Variants in SNTG1 observed in about 807,000 individuals in gnomAD.
SNTG1 encodes gamma-1-syntrophin.
A neutral mutation model predicts 74.7 loss-of-function variants in SNTG1; 39 were observed. The ratio of observed to expected loss-of-function variants is 0.52; its 90% CI spans 0.40 to 0.68. SNTG1 has a LOEUF of 0.68. SNTG1 is among the 30% of genes least tolerant of loss of function. SNTG1 has a pLI of 0.00. For synonymous variants in SNTG1, 254 were observed against 217.1 expected, an observed-to-expected ratio of 1.17 and a Z score of -1.49; for missense variants, 685 against 609.5, an observed-to-expected ratio of 1.12 and a Z score of -1.30.
chr8:50,041,410 A>T (rs1386960147), intron 1 of SNTG1, among the ~76,000 whole-genome samples: 1 of 152,108 alleles, frequency 6.6e-6, no homozygotes, highest in Non-Finnish European at 1.5e-5. Context: ...ACTAATAAAG[A>T]CTCTAAACAT....
intron 2 of SNTG1, among the ~76,000 whole-genome samples, chr8:50,336,919 A>G (rs1394060400): frequency 6.6e-6 from 1 of 152,180 alleles, no homozygotes; most frequent in Non-Finnish European, 1.5e-5. Flanking sequence ...CTTTACTACT[A>G]TATGTCTGTT....
chr8:50,067,983 G>A (rs1023918143), intron 1 of SNTG1, among the ~76,000 whole-genome samples: 3 of 151,698 alleles, frequency 2.0e-5, no homozygotes, highest in Non-Finnish European at 2.9e-5. Context: ...ATCTTTTCAC[G>A]TCCAGGCACA....
At chr8:50,431,324 T>C (rs910267387) in intron 4 of SNTG1, among the ~76,000 whole-genome samples, 1 of 152,196 alleles carries the variant, frequency 6.6e-6, no homozygotes, top group South Asian at 2.1e-4. Context: ...GAGATATTGA[T>C]AACATGGGAG....
intron 2 of SNTG1, among the ~76,000 whole-genome samples, chr8:50,333,146 G>T (rs1484529824): frequency 1.3e-5 from 2 of 152,200 alleles, no homozygotes; most frequent in African/African-American, 4.8e-5. Flanking sequence ...CTGGGCTCAG[G>T]TTCTGGCCCT....
intron 13 of SNTG1, among the ~76,000 whole-genome samples, chr8:50,633,071 G>T (rs1298001023): frequency 1.3e-5 from 2 of 152,334 alleles, no homozygotes; most frequent in Admixed American, 1.3e-4. Flanking sequence ...AATTGGATTT[G>T]AGAGCATTCA....
chr8:50,397,916 AATACTTC>A, intron 3 of SNTG1, among the ~76,000 whole-genome samples: 1 of 152,222 alleles, frequency 6.6e-6, no homozygotes, highest in Non-Finnish European at 1.5e-5. Context: ...AAAATAAATT[AATACTTC>A]TTGTCACACA....
At chr8:50,618,320 G>C (rs560294394) in intron 13 of SNTG1, among the ~76,000 whole-genome samples, 1 of 151,964 alleles carries the variant, frequency 6.6e-6, no homozygotes, top group African/African-American at 2.4e-5. Context: ...TACTTTCTAC[G>C]TTTTTATTTC....
chr8:50,609,276 T>C (rs1431231454), intron 13 of SNTG1, among the ~76,000 whole-genome samples: 4 of 152,046 alleles, frequency 2.6e-5, no homozygotes, highest in Non-Finnish European at 5.9e-5. Flanking sequence ...TGGTAAAGTA[T>C]TTTGTTGTTG....
intron 1 of SNTG1, among the ~76,000 whole-genome samples, chr8:49,922,813 C>T (rs944188721): frequency 6.6e-6 from 1 of 151,966 alleles, no homozygotes; most frequent in African/African-American, 2.4e-5. Flanking sequence ...TATCCTGGTC[C>T]TGTTTGTGAA....
chr8:50,282,765 T>C (rs1394962941), intron 2 of SNTG1, among the ~76,000 whole-genome samples: 1 of 151,604 alleles, frequency 6.6e-6, no homozygotes, highest in Admixed American at 6.6e-5. Flanking sequence ...ACTCTGTCCA[T>C]CTCAAAAAAA....
intron 2 of SNTG1, among the ~76,000 whole-genome samples, chr8:50,179,541 A>G (rs2083124373): frequency 6.6e-6 from 1 of 152,230 alleles, no homozygotes; most frequent in African/African-American, 2.4e-5. Flanking sequence ...TATACATCTG[A>G]TAAGAAATTA....
chr8:50,486,991 G>A (rs1206094008), intron 8 of SNTG1, among the ~76,000 whole-genome samples: 1 of 152,238 alleles, frequency 6.6e-6, no homozygotes, highest in Non-Finnish European at 1.5e-5. Context: ...TTGCATCACA[G>A]GGATGAAGCC....
chr8:50,761,477 G>T (rs773627750), intron 18 of SNTG1, among the ~76,000 whole-genome samples: 7 of 151,918 alleles, frequency 4.6e-5, no homozygotes, highest in Non-Finnish European at 1.0e-4. Flanking sequence ...GCTGGAAGGG[G>T]TTGGAGTAGG....
chr8:50,304,601 T>G (rs1477150113), intron 2 of SNTG1, among the ~76,000 whole-genome samples: 1 of 151,998 alleles, frequency 6.6e-6, no homozygotes, highest in Non-Finnish European at 1.5e-5. Context: ...GTCACAAACA[T>G]GATATTTGAC....
intron 2 of SNTG1, among the ~76,000 whole-genome samples, chr8:50,258,472 G>A (rs542321522): frequency 6.6e-6 from 1 of 152,136 alleles, no homozygotes; most frequent in Non-Finnish European, 1.5e-5. Context: ...AGGGGTCATA[G>A]ATGTAGACTT....
At chr8:50,393,449 C>A (rs2092688229) in intron 2 of SNTG1, among the ~76,000 whole-genome samples, 1 of 152,128 alleles carries the variant, frequency 6.6e-6, no homozygotes, top group South Asian at 2.1e-4. Context: ...GTCTCATTTA[C>A]TTATCCATTA....
chr8:50,601,166 A>AAAAAAAAAAAAAAAAAAC (rs2094772005), intron 13 of SNTG1, among the ~76,000 whole-genome samples: 1 of 147,014 alleles, frequency 6.8e-6, no homozygotes, highest in African/African-American at 2.6e-5. Flanking sequence ...AAAAAAAAAA[A>AAAAAAAAAAAAAAAAAAC]AAAAAAAAAA....
intron 1 of SNTG1, among the ~76,000 whole-genome samples, chr8:50,034,217 A>T (rs1436604352): frequency 1.3e-5 from 2 of 152,162 alleles, no homozygotes; most frequent in Non-Finnish European, 2.9e-5. Flanking sequence ...GGATCATCAA[A>T]TTTTTTGCCA....
At chr8:50,495,271 A>AAAT (rs1318469728) in intron 8 of SNTG1, among the ~76,000 whole-genome samples, 1 of 152,072 alleles carries the variant, frequency 6.6e-6, no homozygotes, top group African/African-American at 2.4e-5. Context: ...ATGCAGAAAA[A>AAAT]AATAATAAAG....
Sources: gnomAD v4.1 joint callset for allele counts (sites outside exome capture counted in the v4.1 genomes callset) on GRCh38, gnomAD v4.1.1 for gene constraint, MANE v1.5 for transcripts, NCBI Gene and HGNC (gene_info 2026-07-23, HGNC 2026-07-21) for gene names.